CNIH3: variants seen among roughly 807,000 people sequenced by gnomAD.
CNIH3 encodes protein cornichon homolog 3.
CNIH3 carries 14 observed loss-of-function variants against 24.1 expected under a neutral mutation model. That is an observed-to-expected ratio of 0.58 (90% CI 0.38 to 0.91). The LOEUF (loss-of-function observed/expected upper bound fraction) is 0.91. Ranked by LOEUF, CNIH3 falls within the 40% of genes least tolerant of loss-of-function variation. The pLI is 0.00. For missense variants in CNIH3, 178 were observed against 196.8 expected (o/e 0.90, Z 0.57); for synonymous variants, 68 against 73.8 (o/e 0.92, Z 0.40).
Position 224,689,552 on chromosome 1 carries a change from C to T in CNIH3, c.198+4709C>T, listed in dbSNP as rs534184233. On this transcript the variant is annotated intron_variant, in intron 3 of 5. Coordinates refer to ENST00000272133, the MANE Select transcript of CNIH3 (RefSeq NM_152495.2). ...TCGTTTTGAATGGGCTTCTGAGTTC[C>T]GATTCCCAAGCTGTGAGCACATGTT... Among the ~76,000 whole-genome samples the T allele has an allele frequency of 1.3e-4, 20 of 152,294 alleles. No homozygotes were observed. The East Asian group carries it at 2.3e-3, about 18-fold the overall frequency.
intron 4 of CNIH3, among the ~76,000 whole-genome samples, chr1:224,567,210 GGTTT>G (rs1381191447): frequency 2.6e-5 from 4 of 152,100 alleles, no homozygotes; most frequent in South Asian, 2.1e-4. Context: ...CTTTTTGATG[GGTTT>G]GTTTGTTTTT....
At chr1:224,725,679 T>C (rs1688986105) in intron 3 of CNIH3, among the ~76,000 whole-genome samples, 1 of 152,190 alleles carries the variant, frequency 6.6e-6, no homozygotes, top group Admixed American at 6.5e-5. Flanking sequence ...TTGGAATGCA[T>C]GATGAGAGCC....
intron 3 of CNIH3, among the ~76,000 whole-genome samples, chr1:224,700,311 ACT>A (rs1440862525): frequency 6.6e-6 from 1 of 152,084 alleles, no homozygotes; most frequent in Non-Finnish European, 1.5e-5. Context: ...TTCTTTGAAG[ACT>A]CTGTCTCCAA....
At chr1:224,672,168 T>C (rs776197651) in intron 1 of CNIH3, among the ~76,000 whole-genome samples, 2 of 152,048 alleles carry the variant, frequency 1.3e-5, no homozygotes, top group African/African-American at 4.8e-5. Flanking sequence ...AGCAGAATTC[T>C]CTCTAAATTA....
intron 1 of CNIH3, among the ~76,000 whole-genome samples, chr1:224,470,595 C>T (rs545408257): frequency 5.9e-5 from 9 of 152,280 alleles, no homozygotes; most frequent in Admixed American, 1.3e-4. Context: ...GTTGGGATTA[C>T]AGGTGTGAGC....
At chr1:224,665,216 A>G (rs1386383151) in intron 1 of CNIH3, among the ~76,000 whole-genome samples, 2 of 152,138 alleles carry the variant, frequency 1.3e-5, no homozygotes, top group East Asian at 1.9e-4. Flanking sequence ...GGGCCTCAGA[A>G]CTGCCCTCTT....
At chr1:224,495,492 C>A (rs1460587563) in intron 1 of CNIH3, among the ~76,000 whole-genome samples, 1 of 152,126 alleles carries the variant, frequency 6.6e-6, no homozygotes, top group Non-Finnish European at 1.5e-5. Context: ...GCTGGGGATA[C>A]AAAGCTGAGC....
At chr1:224,577,705 C>T (rs1681096340) in intron 4 of CNIH3, among the ~76,000 whole-genome samples, 1 of 152,130 alleles carries the variant, frequency 6.6e-6, no homozygotes, top group African/African-American at 2.4e-5. Context: ...ATCCAGCAAT[C>T]CCACTACTGG....
At chr1:224,477,639 A>G (rs1019840808) in intron 1 of CNIH3, among the ~76,000 whole-genome samples, 29 of 152,178 alleles carry the variant, frequency 1.9e-4, no homozygotes, top group African/African-American at 7.0e-4. Flanking sequence ...TGTTTTAGTT[A>G]TTTTTGTTGA....
At chr1:224,550,360 A>G (rs888307063) in intron 3 of CNIH3, among the ~76,000 whole-genome samples, 1 of 152,220 alleles carries the variant, frequency 6.6e-6, no homozygotes, top group African/African-American at 2.4e-5. Context: ...CTGTGTAAAC[A>G]CTGGATATTA....
chr1:224,619,809 A>G (rs931735810), intron 1 of CNIH3, among the ~76,000 whole-genome samples: 2 of 152,222 alleles, frequency 1.3e-5, no homozygotes, highest in African/African-American at 2.4e-5. Flanking sequence ...GCTTAACAAC[A>G]TATAGCGGTT....
chr1:224,555,420 C>G (rs1680095813), intron 3 of CNIH3, among the ~76,000 whole-genome samples: 1 of 152,174 alleles, frequency 6.6e-6, no homozygotes, highest in Admixed American at 6.5e-5. Context: ...TCTAGGAACT[C>G]ATCCTTTTAG....
chr1:224,611,174 C>T lies in CNIH3; in HGVS notation n.402+44910C>T, dbSNP rs537183994. Among the ~76,000 whole-genome samples, 39 of 152,268 alleles carry T rather than the reference C, an allele frequency of 2.6e-4. 3 individuals carry two copies. The South Asian group carries it at 8.1e-3, about 32-fold the overall frequency. On this transcript the variant is annotated intron_variant and non_coding_transcript_variant, in intron 3 of 7. Coordinates refer to the CNIH3 transcript ENST00000478120. Reference sequence around the variant, plus strand: ...TGGAGAGGGCTTCTTTTACTCTTCCCCAAAAGTTATGCCTTCAGACTGGGA... The same window carrying T: ...TGGAGAGGGCTTCTTTTACTCTTCCTCAAAAGTTATGCCTTCAGACTGGGA...
intron 3 of CNIH3, among the ~76,000 whole-genome samples, chr1:224,714,354 T>G (rs1688314232): frequency 6.6e-6 from 1 of 152,202 alleles, no homozygotes. Flanking sequence ...ATCAGCTTGT[T>G]GGGACCAACT....
At chr1:224,544,060 G>A (rs767300493) in intron 2 of CNIH3, among the ~76,000 whole-genome samples, 2 of 152,142 alleles carry the variant, frequency 1.3e-5, no homozygotes, top group African/African-American at 4.8e-5. Context: ...CTCTTTGGCT[G>A]TTAAGAGATA....
intron 1 of CNIH3, among the ~76,000 whole-genome samples, chr1:224,462,637 A>ATTTT (rs34550181): frequency 9.2e-5 from 11 of 119,370 alleles, no homozygotes; most frequent in Admixed American, 3.9e-4. Context: ...TCTGGACCCA[A>ATTTT]TTTTTTTTTT....
rs370773897 is a variant in CNIH3 at position 224,456,705 on chromosome 1, C to G, written n.203+21843C>G. Reference sequence around the variant, plus strand: ...GGATTACAGGCATGAGCCACTGTGCCCGGCCAAAGATTCCCCCTGTCTTTT... The same window carrying G: ...GGATTACAGGCATGAGCCACTGTGCGCGGCCAAAGATTCCCCCTGTCTTTT... On this transcript the variant is annotated intron_variant and non_coding_transcript_variant, in intron 1 of 5. Coordinates refer to the CNIH3 transcript ENST00000471578. Among the ~76,000 whole-genome samples the G allele has an allele frequency of 6.1e-4, 93 of 152,330 alleles. 2 individuals carry two copies. The East Asian group carries it at 0.014, about 22-fold the overall frequency.
At chr1:224,600,096 A>T (rs1051158153) in intron 3 of CNIH3, among the ~76,000 whole-genome samples, 2 of 152,204 alleles carry the variant, frequency 1.3e-5, no homozygotes, top group Non-Finnish European at 2.9e-5. Context: ...TGCCTATTGA[A>T]TATTTCATGT....
At chr1:224,512,175 CAAA>C (rs71779272), upstream of CNIH3, among the ~76,000 whole-genome samples, 1 of 132,956 alleles carries the variant, frequency 7.5e-6, no homozygotes. Context: ...AACACCGTCT[CAAA>C]AAAAAAAAAA....
Sources: gnomAD v4.1 joint callset for allele counts (sites outside exome capture counted in the v4.1 genomes callset) on GRCh38, gnomAD v4.1.1 for gene constraint, MANE v1.5 for transcripts, NCBI Gene and HGNC (gene_info 2026-07-23, HGNC 2026-07-21) for gene names.